LRIG2: variants seen among roughly 807,000 people sequenced by gnomAD.
LRIG2 encodes the protein leucine-rich repeats and immunoglobulin-like domains protein 2.
In LRIG2, 93 loss-of-function variants were observed where a neutral mutation model predicts 107.8. The ratio of observed to expected loss-of-function variants is 0.86; its 90% confidence interval spans 0.73 to 1.03. The LOEUF is 1.03. Ranked by LOEUF, LRIG2 falls within the 50% of genes least tolerant of loss-of-function variation. LRIG2 has a pLI of 0.00. For synonymous variants in LRIG2, 471 were observed against 470.6 expected (o/e 1.00, Z -0.01); for missense variants, 1,226 against 1,296.0 (o/e 0.95, Z 0.83).
At position 113,077,214 on chromosome 1, in the gene LRIG2, G is replaced by A. The variant is rs754315215; in HGVS notation, c.239+3569G>A. Among the ~76,000 whole-genome samples, 21 of 151,256 alleles carry A rather than the reference G, an allele frequency of 1.4e-4. 1 individual carries two copies. The highest frequency in any genetic ancestry group is 2.7e-4 in the Non-Finnish European group (18 of 67,894). On this transcript the variant is annotated intron_variant, in intron 1 of 17. Transcript: ENST00000361127. ...GGCTGGAGTGAAGCAGCCTGATCTC[G>A]GCTCACTGCAACCTCTGTCGCCCGG... is the stretch of plus-strand genomic sequence containing the variant.
At chr1:113,096,415 A>G (rs542808569) in intron 8 of LRIG2, 50 bp downstream of exon 8, 80 of 1,556,772 alleles carry the variant, frequency 5.1e-5, no homozygotes, top group Non-Finnish European at 6.8e-5. Flanking sequence ...TTTTTTTAGT[A>G]CAATAAAGCA....
chr1:113,121,366 G>C (rs1655245484), intron 17 of LRIG2, among the ~76,000 whole-genome samples: 1 of 152,148 alleles, frequency 6.6e-6, no homozygotes, highest in African/African-American at 2.4e-5. Context: ...GAGTAATGCT[G>C]AGCATGTGTG....
rs1289549553 is a variant in LRIG2 at position 113,127,808 on chromosome 1, T to G, written c.*3707T>G. 6.6e-6 allele frequency: 1 copy of G among 152,152 alleles called. No homozygotes were observed. Among genetic ancestry groups the G allele is most frequent in the Non-Finnish European group, 1.5e-5 (1 of 68,058 alleles). 9.4% of individuals were successfully genotyped at this position (152,152 alleles called of 1,614,324 possible). On this transcript the variant is annotated 3_prime_UTR_variant, in exon 18 of 18. Transcript: ENST00000361127. ...GCCTCGAACTCCTGACCTCAGGTGA[T>G]CCACCCGCCTCGGCCTCCTAGAGTG...
intron 1 of LRIG2, among the ~76,000 whole-genome samples, chr1:113,090,410 A>C (rs188085535): frequency 3.8e-4 from 58 of 152,306 alleles, no homozygotes; most frequent in African/African-American, 1.4e-3. Context: ...GAAGCTACAC[A>C]CACATATATA....
intron 11 of LRIG2, among the ~76,000 whole-genome samples, chr1:113,106,684 T>C (rs1426558431): frequency 6.6e-6 from 1 of 152,046 alleles, no homozygotes; most frequent in Non-Finnish European, 1.5e-5. Context: ...TTTGTATTTT[T>C]AGTAGAGATA....
At chr1:113,111,366 GT>G in intron 13 of LRIG2, among the ~76,000 whole-genome samples, 1 of 152,302 alleles carries the variant, frequency 6.6e-6, no homozygotes. Context: ...GTACAAGTGA[GT>G]TTTTTTCCCA....
At chr1:113,088,966 C>T (rs1557900891) in intron 1 of LRIG2, among the ~76,000 whole-genome samples, 1 of 152,056 alleles carries the variant, frequency 6.6e-6, no homozygotes, top group Non-Finnish European at 1.5e-5. Flanking sequence ...GAGCTGATAC[C>T]TTGTGCCAGA....
chr1:113,078,517 C>G (rs1436516572), intron 1 of LRIG2, among the ~76,000 whole-genome samples: 1 of 151,344 alleles, frequency 6.6e-6, no homozygotes, highest in Non-Finnish European at 1.5e-5. Context: ...AGTCTTGATC[C>G]CTTAAAAGAG....
chr1:113,074,803 G>T (rs1346867407), intron 1 of LRIG2, among the ~76,000 whole-genome samples: 4 of 151,502 alleles, frequency 2.6e-5, no homozygotes, highest in African/African-American at 9.7e-5. Flanking sequence ...CAGCTACTCG[G>T]GAGGCTGAGG....
chr1:113,100,567 C>A, intron 11 of LRIG2, 79 bp downstream of exon 11: 1 of 785,416 alleles, frequency 1.3e-6, no homozygotes, highest in East Asian at 2.7e-5. Flanking sequence ...TGGGAGTGAC[C>A]CAAGTTATTT....
chr1:113,109,280 C>T (rs1327899223), intron 12 of LRIG2, among the ~76,000 whole-genome samples: 1 of 152,138 alleles, frequency 6.6e-6, no homozygotes, highest in Non-Finnish European at 1.5e-5. Flanking sequence ...ATTTATATAC[C>T]TGCTTCTCTC....
At chr1:113,079,346 TAAA>T (rs141538883) in intron 1 of LRIG2, among the ~76,000 whole-genome samples, 1 of 123,154 alleles carries the variant, frequency 8.1e-6, no homozygotes, top group African/African-American at 3.2e-5. Flanking sequence ...AGATCCTATT[TAAA>T]AAAAAAAAAA....
At chr1:113,109,307 T>C (rs1654672287) in intron 12 of LRIG2, among the ~76,000 whole-genome samples, 1 of 152,226 alleles carries the variant, frequency 6.6e-6, no homozygotes, top group South Asian at 2.1e-4. Flanking sequence ...TCCAATAACA[T>C]TATTAATTAT....
At chr1:113,093,919 G>A (rs896140142) in intron 4 of LRIG2, among the ~76,000 whole-genome samples, 9 of 152,168 alleles carry the variant, frequency 5.9e-5, no homozygotes, top group Non-Finnish European at 1.2e-4. Flanking sequence ...GGTTGGCTTT[G>A]CCACTCACCC....
chr1:113,091,872 AT>A (rs2101032463), intron 2 of LRIG2, among the ~76,000 whole-genome samples: 1 of 152,244 alleles, frequency 6.6e-6, no homozygotes, highest in South Asian at 2.1e-4. Flanking sequence ...GTATTATGTA[AT>A]TTTGGAGGGA....
chr1:113,105,296 A>G (rs986158607), intron 11 of LRIG2, among the ~76,000 whole-genome samples: 9 of 152,198 alleles, frequency 5.9e-5, no homozygotes, highest in Non-Finnish European at 1.2e-4. Context: ...TACTTAACAG[A>G]GTATACGGTA....
chr1:113,103,802 A>G (rs2101047264), intron 11 of LRIG2: 1 of 152,324 alleles, frequency 6.6e-6, no homozygotes, highest in Non-Finnish European at 1.5e-5. Context: ...AAAGATTTCG[A>G]TTCTCAAGAT....
intron 1 of LRIG2, among the ~76,000 whole-genome samples, chr1:113,073,880 G>A (rs764158718): frequency 6.6e-6 from 1 of 151,424 alleles, no homozygotes; most frequent in African/African-American, 2.4e-5. Context: ...TGGGGCCAAG[G>A]AGTCTGTGAT....
At chr1:113,112,365 G>T in intron 13 of LRIG2, 114 bp from the exon 14 acceptor site, 2 of 926,320 alleles carry the variant, frequency 2.2e-6, no homozygotes, top group South Asian at 1.8e-5. Flanking sequence ...TCTTCACAAA[G>T]AAATGGAACA....
Sources: allele counts gnomAD v4.1 joint callset (sites outside exome capture counted in the v4.1 genomes callset), GRCh38; gene constraint gnomAD v4.1.1; transcripts MANE v1.5; gene names NCBI Gene and HGNC (gene_info 2026-07-23, HGNC 2026-07-21).